The following CAPN13 variants were observed in gnomAD, a reference collection of about 807,000 sequenced individuals.
CAPN13 encodes calpain 13.
In CAPN13, 90 loss-of-function variants were observed where a neutral mutation model predicts 98.4. That is an observed-to-expected ratio of 0.92 (90% confidence interval 0.77 to 1.09). CAPN13 has a LOEUF of 1.09. Ranked by LOEUF, CAPN13 falls within the 50% of genes least tolerant of loss-of-function variation. The pLI is 0.00. For synonymous variants in CAPN13, 330 were observed against 305.5 expected (o/e 1.08, Z -0.84); for missense variants, 887 against 841.3 (o/e 1.05, Z -0.67).
intron 11 of CAPN13, among the ~76,000 whole-genome samples, chr2:30,746,229 A>G (rs1558620649): frequency 6.6e-6 from 1 of 152,160 alleles, no homozygotes. Context: ...CTGACATATC[A>G]CTGTCTAACA....
At chr2:30,780,933 G>A (rs76770090) in intron 2 of CAPN13, among the ~76,000 whole-genome samples, 31,430 of 152,056 alleles carry the variant, frequency 0.21, 3,483 homozygotes, top group South Asian at 0.34. Context: ...GTTACCAGAT[G>A]GGTCAGGCAC....
Position 30,731,464 on chromosome 2 carries a change from G to T in CAPN13, c.1928-65C>A, listed in dbSNP as rs144527235. ...AAGGAATCCAGGCAGTTCAGGGGAG[G>T]CAGGCCTGGGCCCATAAGAAGCACA... On this transcript the variant is annotated intron_variant, in intron 20 of 22. Transcript: ENST00000295055. 191 of 1,400,314 alleles carry T rather than the reference G, an allele frequency of 1.4e-4. No individual in the cohort carries two copies. In the African/African-American group the frequency reaches 2.5e-3, roughly 18 times the overall value. The allele number at this position is 1,400,314 out of a possible 1,614,324, so 86.7% of individuals were successfully genotyped here.
intron 17 of CAPN13, chr2:30,737,966 GACACACACACACAC>G (rs71831494): frequency 2.8e-4 from 106 of 373,392 alleles, no homozygotes; most frequent in Middle Eastern, 7.7e-4. Context: ...GAATTATAAG[GACACACACACACAC>G]ACACACACAC....
chr2:30,738,383 C>T lies in CAPN13; in HGVS notation c.1594+17G>A. 1.9e-6 allele frequency: 3 copies of T among 1,610,078 alleles called. No homozygotes were observed. The highest frequency in any genetic ancestry group is 2.5e-6 in the Non-Finnish European group (3 of 1,178,076). On this transcript the variant is annotated intron_variant, in intron 16 of 22. Coordinates refer to ENST00000295055, the MANE Select transcript of CAPN13 (RefSeq NM_144575.3). ...AGGGAGGAGGATGGGGCCAGCTTGCCCTTGGGCTGCTCATACCTGTTAGAA... is the reference window on the plus strand; with the variant it reads ...AGGGAGGAGGATGGGGCCAGCTTGCTCTTGGGCTGCTCATACCTGTTAGAA...
intron 7 of CAPN13, among the ~76,000 whole-genome samples, chr2:30,762,189 T>TGAAA (rs1313575723): frequency 6.6e-6 from 1 of 152,154 alleles, no homozygotes; most frequent in African/African-American, 2.4e-5. Flanking sequence ...TCTAACCTCG[T>TGAAA]GAAAGACATC....
chr2:30,725,303 G>T (rs111341810), intron 22 of CAPN13, among the ~76,000 whole-genome samples: 2,441 of 152,244 alleles, frequency 0.016, 60 homozygotes, highest in African/African-American at 0.056. Flanking sequence ...TGACAACAAG[G>T]CATACACTTT....
chr2:30,774,811 G>C (rs753331881), intron 4 of CAPN13, among the ~76,000 whole-genome samples: 1 of 152,092 alleles, frequency 6.6e-6, no homozygotes, highest in Non-Finnish European at 1.5e-5. Context: ...GTTTTAAAAA[G>C]CTAGCAGAAC....
rs1316991941 is a variant in CAPN13 at position 30,753,087 on chromosome 2, C to T, written c.1053G>A (p.Met351Ile). ...TTCCTAGAATCACTTGCTTCCTAAA[C>T]ATTATTTGGGACCATCCTTCGTGGA... is the stretch of plus-strand genomic sequence containing the variant. The part of the protein sequence containing the change: ...NTLHEGWSQI[M>I]FRKQVILGNT... The change falls in exon 10 of 23, where the codon ATG (methionine) becomes ATA (isoleucine). Residue 351 changes from methionine (M) to isoleucine (I), a missense_variant. Met to Ile is a conservative substitution (Grantham distance 10, BLOSUM62 1). Transcript: ENST00000295055. The T allele has an allele frequency of 1.9e-6, 3 of 1,613,976 alleles. No individual in the cohort carries two copies.
chr2:30,724,537 A>G (rs1179406655), intron 22 of CAPN13, among the ~76,000 whole-genome samples: 1 of 151,590 alleles, frequency 6.6e-6, no homozygotes, highest in Non-Finnish European at 1.5e-5. Context: ...CCGGATTCCA[A>G]CTCTTCCTCC....
intron 2 of CAPN13, among the ~76,000 whole-genome samples, chr2:30,781,810 A>C (rs1334671420): frequency 6.6e-6 from 1 of 152,160 alleles, no homozygotes; most frequent in Admixed American, 6.5e-5. Flanking sequence ...TATCAATAGG[A>C]TATCTATTAG....
At chr2:30,761,358 G>A (rs187253764) in intron 7 of CAPN13, among the ~76,000 whole-genome samples, 4 of 152,180 alleles carry the variant, frequency 2.6e-5, no homozygotes, top group African/African-American at 4.8e-5. Context: ...ACAAATGTTC[G>A]AGCTGTGGGT....
At chr2:30,750,548 C>T (rs1672123552) in intron 11 of CAPN13, among the ~76,000 whole-genome samples, 1 of 152,032 alleles carries the variant, frequency 6.6e-6, no homozygotes, top group Non-Finnish European at 1.5e-5. Flanking sequence ...TGCATGCCAG[C>T]CACCAGACGA....
At chr2:30,734,400 C>T (rs767186804) in intron 19 of CAPN13, 49 bp downstream of exon 19, 2 of 1,456,192 alleles carry the variant, frequency 1.4e-6, no homozygotes, top group Non-Finnish European at 9.6e-7. Context: ...GTGGGCATCA[C>T]CCCCCTCCCC....
intron 1 of CAPN13, among the ~76,000 whole-genome samples, chr2:30,804,270 G>T (rs185188079): frequency 1.3e-5 from 2 of 152,070 alleles, no homozygotes; most frequent in Non-Finnish European, 2.9e-5. Context: ...GCGCAACCTC[G>T]GCTCACTGCA....
intron 19 of CAPN13, among the ~76,000 whole-genome samples, chr2:30,733,223 C>T (rs536597478): frequency 2.6e-5 from 4 of 152,288 alleles, no homozygotes; most frequent in Admixed American, 1.3e-4. Context: ...AACCATCCAT[C>T]ATGGGGACAA....
chr2:30,797,897 T>C (rs1674968985), intron 1 of CAPN13, among the ~76,000 whole-genome samples: 1 of 152,252 alleles, frequency 6.6e-6, no homozygotes, highest in South Asian at 2.1e-4. Context: ...CTATCCTGTC[T>C]GAGGGGGCTT....
In CAPN13 at chr2:30,738,464, C is replaced by A; in HGVS notation, c.1537-7G>T. ...TGGCATCAATGTCCAGCCTCTGATC[C>A]AAACAAGGAAGGAATGCAGGAATTA... is the stretch of plus-strand genomic sequence containing the variant. On this transcript the variant is annotated splice_polypyrimidine_tract_variant and splice_region_variant and intron_variant, in intron 15 of 22. Coordinates refer to ENST00000295055, the MANE Select transcript of CAPN13 (RefSeq NM_144575.3). The A allele has an allele frequency of 6.3e-7, 1 of 1,599,960 alleles. No individual in the cohort carries two copies.
intron 11 of CAPN13, among the ~76,000 whole-genome samples, chr2:30,749,783 G>A (rs372771413): frequency 3.9e-5 from 6 of 151,986 alleles, no homozygotes; most frequent in South Asian, 2.1e-4. Context: ...AATTATCCAC[G>A]TTAGTGCAAA....
intron 2 of CAPN13, among the ~76,000 whole-genome samples, chr2:30,778,198 G>A (rs936932751): frequency 1.3e-5 from 2 of 152,188 alleles, no homozygotes; most frequent in African/African-American, 2.4e-5. Flanking sequence ...CTGGAAGGCC[G>A]CAGTCCCCTT....
Sources: allele counts gnomAD v4.1 joint callset (sites outside exome capture counted in the v4.1 genomes callset), GRCh38; gene constraint gnomAD v4.1.1; transcripts MANE v1.5; gene names NCBI Gene and HGNC (gene_info 2026-07-23, HGNC 2026-07-21).